ITPR3: variants seen among roughly 807,000 people sequenced by gnomAD.
The protein encoded by ITPR3 is inositol 1,4,5-trisphosphate-gated calcium channel ITPR3.
A neutral mutation model predicts 293.2 loss-of-function variants in ITPR3; 173 were observed. That is an observed-to-expected ratio of 0.59 (90% CI 0.52 to 0.67). The LOEUF (loss-of-function observed/expected upper bound fraction) is 0.67. Ranked by LOEUF, ITPR3 falls within the 30% of genes least tolerant of loss-of-function variation. ITPR3 has a pLI of 0.00. For synonymous variants in ITPR3, 1,295 were observed against 1,444.4 expected (o/e 0.90, Z 2.35); for missense variants, 2,796 against 3,592.1 (o/e 0.78, Z 5.66).
In ITPR3 at chr6:33,659,057, A is replaced by G. The variant is rs1764386350; in HGVS notation, c.565A>G (p.Asn189Asp). 1 of 1,614,004 alleles carries G rather than the reference A, an allele frequency of 6.2e-7. No individual in the cohort carries two copies. Among genetic ancestry groups the G allele is most frequent in the Admixed American group, 1.7e-5 (1 of 60,002 alleles). Residue 189 changes from asparagine (N) to aspartate (D), a missense_variant, in exon 6 of 58, where the codon AAT becomes GAT. Around this residue, in one of 8 missense-constraint regions of ITPR3, gnomAD observed 144 missense variants for 230.8 expected, o/e 0.62. Transcript: ENST00000605930. ...GGACAAGGTGATCCTGAATCCTGTCAATGCCGGGCAGCCTCTGCATGCCAG... is the reference window on the plus strand; with the variant it reads ...GGACAAGGTGATCCTGAATCCTGTCGATGCCGGGCAGCCTCTGCATGCCAG... ...VGDKVILNPV[N>D]AGQPLHASNY... is the part of the protein sequence containing the mutation.
rs767613519 is a variant in ITPR3 at position 33,688,720 on chromosome 6, G to A, written c.6633G>A (p.Leu2211=). Residue 2211 remains leucine (L), a synonymous_variant, in exon 49 of 58, where the codon CTG becomes CTA. Transcript: ENST00000605930. ...MTLWGSISFN[L]AVFINIIIAF... Reference sequence around the variant, plus strand: ...TGTGGGGCAGCATCTCCTTCAACCTGGCCGTGTTTATCAACATCATCATTG... The same window carrying A: ...TGTGGGGCAGCATCTCCTTCAACCTAGCCGTGTTTATCAACATCATCATTG... 6.2e-7 allele frequency: 1 copy of A among 1,614,202 alleles called. No homozygotes were observed. Among genetic ancestry groups the A allele is most frequent in the Non-Finnish European group, 8.5e-7 (1 of 1,180,024 alleles).
intron 1 of ITPR3, among the ~76,000 whole-genome samples, chr6:33,637,063 C>T (rs1003914613): frequency 2.0e-5 from 3 of 152,200 alleles, no homozygotes; most frequent in African/African-American, 7.2e-5. Context: ...GAATTAGAAA[C>T]TTAAATAACA....
chr6:33,689,333 C>T lies in ITPR3; in HGVS notation c.6790C>T (p.Leu2264Phe), dbSNP rs1765327807. The T allele has an allele frequency of 6.2e-7, 1 of 1,612,806 alleles. No individual in the cohort carries two copies. The highest frequency in any genetic ancestry group is 1.1e-5 in the South Asian group (1 of 91,086). Residue 2264 changes from leucine to phenylalanine, a missense_variant, in exon 50 of 58, where the codon CTC becomes TTC. Coordinates refer to ENST00000605930, the MANE Select transcript of ITPR3 (RefSeq NM_002224.4). Reference sequence around the variant, plus strand: ...CACCAAGCGCTACAGCATCCGCCCCCTCATCGTGGCGCTCATCCTGCGCTC... The same window carrying T: ...CACCAAGCGCTACAGCATCCGCCCCTTCATCGTGGCGCTCATCCTGCGCTC... ...LFTKRYSIRP[L>F]IVALILRSIY...
intron 48 of ITPR3, 47 bp from the exon 49 acceptor site, chr6:33,688,609 G>A (rs777966786): frequency 6.2e-7 from 1 of 1,610,412 alleles, no homozygotes; most frequent in Non-Finnish European, 8.5e-7. Flanking sequence ...GGGGCAGGGG[G>A]TGCTCACCAG....
chr6:33,665,204 A>C lies in ITPR3; in HGVS notation c.1400A>C (p.Asn467Thr). The stretch of plus-strand genomic sequence containing the variant: ...CTCAACGAGGGCTTCATCAGCCAGA[A>C]TGACCGCAGGTGGGCTGCAGTGGCA... Reference protein sequence around the residue: ...EKLNEGFISQNDRRFVIQLLE... With the variant: ...EKLNEGFISQTDRRFVIQLLE... Residue 467 changes from asparagine to threonine, a missense_variant, in exon 13 of 58, where the codon AAT becomes ACT. By Grantham distance (65) the Asn-to-Thr change is moderately conservative. This residue lies in a region of ITPR3 where 955 missense variants were observed against 1,180.8 expected (regional missense o/e 0.81). Coordinates refer to ENST00000605930, the MANE Select transcript of ITPR3 (RefSeq NM_002224.4). 6.2e-7 allele frequency: 1 copy of C among 1,613,752 alleles called. No homozygotes were observed. The highest frequency in any genetic ancestry group is 1.1e-5 in the South Asian group (1 of 91,078).
At chr6:33,693,428 AGCGCTCATCCCGAGAACAAAT>A in intron 55 of ITPR3, 96 bp from the exon 56 acceptor site, 1 of 1,003,622 alleles carries the variant, frequency 1.0e-6, no homozygotes, top group East Asian at 2.5e-5. Context: ...AGCTGTTGGA[AGCGCTCATCCCGAGAACAAAT>A]GCCTCCAACC....
rs1337714343 is a variant in ITPR3, at chr6:33,624,088, C to T, written c.89+2397C>T. Reference sequence around the variant, plus strand: ...TCTCCACCTGGGTAAATCTGTCCCACCCTCTAAGGCTTAATGCAAAGTGGC... The same window carrying T: ...TCTCCACCTGGGTAAATCTGTCCCATCCTCTAAGGCTTAATGCAAAGTGGC... On this transcript the variant is annotated intron_variant, in intron 1 of 57. Coordinates refer to ENST00000605930, the MANE Select transcript of ITPR3 (RefSeq NM_002224.4). This position sits in a 1 kb window ranked among gnomAD's most constrained non-coding sequence, Gnocchi z 4.7. Among the ~76,000 whole-genome samples the T allele has an allele frequency of 6.6e-6, 1 of 152,248 alleles. No individual in the cohort carries two copies.
intron 33 of ITPR3, among the ~76,000 whole-genome samples, chr6:33,681,956 C>T (rs1279360481): frequency 6.6e-6 from 1 of 152,014 alleles, no homozygotes; most frequent in African/African-American, 2.4e-5. Flanking sequence ...CCTTGGCTCA[C>T]TTGCAACCCC....
Position 33,670,197 on chromosome 6 carries a change from T to C in ITPR3, c.2190-128T>C. 6 of 958,378 alleles carry C rather than the reference T, an allele frequency of 6.3e-6. No individual in the cohort carries two copies. The Admixed American group carries it at 6.4e-5, about 10-fold the overall frequency. 59.4% of individuals were successfully genotyped at this position (958,378 alleles called of 1,614,324 possible). On this transcript the variant is annotated intron_variant, in intron 18 of 57. Coordinates refer to ENST00000605930, the MANE Select transcript of ITPR3 (RefSeq NM_002224.4). The surrounding 1 kb of genome is among the most constrained non-coding windows in gnomAD (Gnocchi z 6.7). ...TTCCGTTCACCTTTCTAACTCAGAA[T>C]TGCAGCTGGCGCATCTTTAACCTAA...
rs940704843 is a variant in ITPR3 at position 33,654,204 on chromosome 6, G to T, written c.161-1562G>T. On this transcript the variant is annotated intron_variant, in intron 2 of 57. Transcript: ENST00000605930. The surrounding 1 kb of genome is among the most constrained non-coding windows in gnomAD (Gnocchi z 4.1). Reference sequence around the variant, plus strand: ...AATTGCTTGAGCCTGGGAGGTGGAGGTTGCAGTGAGCCGAGATTGCATCAC... The same window carrying T: ...AATTGCTTGAGCCTGGGAGGTGGAGTTTGCAGTGAGCCGAGATTGCATCAC... 1.3e-5 allele frequency among the ~76,000 whole-genome samples: 2 copies of T among 152,104 alleles called. No individual in the cohort carries two copies. The highest frequency in any genetic ancestry group is 2.4e-5 in the African/African-American group (1 of 41,404).
chr6:33,651,702 G>A (rs762476036), intron 2 of ITPR3, among the ~76,000 whole-genome samples: 3 of 152,156 alleles, frequency 2.0e-5, no homozygotes, highest in Non-Finnish European at 4.4e-5. Flanking sequence ...TCTTTTTGGT[G>A]GGTAATTCTT....
At chr6:33,690,272 T>G in intron 51 of ITPR3, 74 bp downstream of exon 51, 1 of 1,387,422 alleles carries the variant, frequency 7.2e-7, no homozygotes, top group Non-Finnish European at 1.0e-6. Flanking sequence ...TTGTTGGCAG[T>G]TCCCCGGCAC....
intron 1 of ITPR3, among the ~76,000 whole-genome samples, chr6:33,629,815 A>G (rs62407630): frequency 0.86 from 130,446 of 151,694 alleles, 56,159 homozygotes; most frequent in East Asian, 0.96. Flanking sequence ...ATCCTAGGCC[A>G]GGCGCAGTGG....
chr6:33,681,568 C>T (rs755142587), intron 33 of ITPR3, among the ~76,000 whole-genome samples: 4 of 152,146 alleles, frequency 2.6e-5, no homozygotes, highest in Non-Finnish European at 4.4e-5. Flanking sequence ...TGAATGAAAG[C>T]GAGCCAGGTT....
chr6:33,692,812 G>T lies in ITPR3; in HGVS notation c.7543G>T (p.Val2515Leu), dbSNP rs757144884. 3.1e-6 allele frequency: 5 copies of T among 1,613,994 alleles called. No homozygotes were observed. Among genetic ancestry groups the T allele is most frequent in the Non-Finnish European group, 4.2e-6 (5 of 1,180,036 alleles). ...IIIVLNLIFG[V>L]IIDTFADLRS... ...CATTGTGCTGAACCTCATCTTTGGG[G>T]TAATCATCGACACCTTCGCTGACCT... Residue 2515 changes from valine to leucine, a missense_variant, in exon 55 of 58, where the codon GTA becomes TTA. Physicochemically the swap from Val to Leu is conservative, Grantham distance 32 (BLOSUM62 1). Transcript: ENST00000605930. This position sits in a 1 kb window ranked among gnomAD's most constrained non-coding sequence, Gnocchi z 4.2.
intron 1 of ITPR3, among the ~76,000 whole-genome samples, chr6:33,639,500 G>A (rs756026941): frequency 2.0e-5 from 3 of 152,028 alleles, no homozygotes; most frequent in Non-Finnish European, 4.4e-5. Flanking sequence ...ATTCAGATTC[G>A]GTTTTCTCCT....
chr6:33,682,487 C>T lies in ITPR3; in HGVS notation c.4477-37C>T. On this transcript the variant is annotated intron_variant, in intron 33 of 57. Coordinates refer to ENST00000605930, the MANE Select transcript of ITPR3 (RefSeq NM_002224.4). The surrounding 1 kb of genome is among the most constrained non-coding windows in gnomAD (Gnocchi z 5.4). ...GACCTGGGGTTGCCCAGGGTGGGGGCCTGGGCTGCAGCAGCGGGCTCTGTG... is the reference window on the plus strand; with the variant it reads ...GACCTGGGGTTGCCCAGGGTGGGGGTCTGGGCTGCAGCAGCGGGCTCTGTG... 1 of 1,485,456 alleles carries T rather than the reference C, an allele frequency of 6.7e-7. No homozygotes were observed. The highest frequency in any genetic ancestry group is 9.0e-7 in the Non-Finnish European group (1 of 1,116,404). 92.0% of individuals were successfully genotyped at this position (1,485,456 alleles called of 1,614,324 possible).
At chr6:33,665,726 C>A in intron 13 of ITPR3, 109 bp from the exon 14 acceptor site, 1 of 1,223,034 alleles carries the variant, frequency 8.2e-7, no homozygotes, top group South Asian at 1.4e-5. Flanking sequence ...GCTTTGGGGG[C>A]CGCTGAGTGA....
chr6:33,630,582 C>T (rs760283858), intron 1 of ITPR3, among the ~76,000 whole-genome samples: 3 of 152,330 alleles, frequency 2.0e-5, no homozygotes, highest in Non-Finnish European at 4.4e-5. Flanking sequence ...TCCTCCCATG[C>T]ACCCAGCACC....
Sources: gnomAD v4.1 joint callset for allele counts (sites outside exome capture counted in the v4.1 genomes callset) on GRCh38, gnomAD v4.1.1 for gene constraint, gnomAD v4.1.1 regional missense constraint, Gnocchi (gnomAD v3.1) non-coding constraint, MANE v1.5 for transcripts, NCBI Gene and HGNC (gene_info 2026-07-23, HGNC 2026-07-21) for gene names.